Variants in TRIM50 observed in about 807,000 individuals in gnomAD.
The protein encoded by TRIM50 is tripartite motif containing 50, also known as E3 ubiquitin-protein ligase TRIM50.
A neutral mutation model predicts 44.9 loss-of-function variants in TRIM50; 34 were observed. The ratio of observed to expected loss-of-function variants is 0.76; its 90% CI spans 0.58 to 1.01. The LOEUF (loss-of-function observed/expected upper bound fraction) is 1.01. Among genes scored for constraint, TRIM50 ranks in the 50% least tolerant of loss-of-function variants. The pLI is 0.00. For synonymous variants in TRIM50, 307 were observed against 291.1 expected (o/e 1.05, Z -0.56); for missense variants, 633 against 663.7 (o/e 0.95, Z 0.51).
At chr7:73,323,189 G>T (rs1223931111) in intron 2 of TRIM50, among the ~76,000 whole-genome samples, 3 of 152,096 alleles carry the variant, frequency 2.0e-5, no homozygotes, top group African/African-American at 7.2e-5. Flanking sequence ...TTCATCACTG[G>T]CTTAAAACCC....
intron 1 of TRIM50, among the ~76,000 whole-genome samples, chr7:73,325,014 A>ATGTGTGTGTGTGTG (rs3040867): frequency 2.1e-3 from 294 of 142,024 alleles, no homozygotes; most frequent in South Asian, 5.2e-3. Flanking sequence ...CCTTGAAGAT[A>ATGTGTGTGTGTGTG]TGTGTGTGTG....
Position 73,313,180 on chromosome 7 carries a change from CG to C in TRIM50, c.1204del (p.Arg402GlyfsTer114). 1.3e-6 allele frequency: 2 copies of C among 1,588,396 alleles called. No homozygotes were observed. The highest frequency in any genetic ancestry group is 1.7e-6 in the Non-Finnish European group (2 of 1,167,726). ...GTGGCCGGCCACGGGCAGGGGTACC[CG>C]GGGGCAGGCAAAGGCTTCGTACACC... ...GRVYEAFACP[R>X]VPLPVAGHPH... On this transcript the variant is annotated frameshift_variant, in exon 7 of 7. Coordinates refer to ENST00000333149, the MANE Select transcript of TRIM50 (RefSeq NM_178125.3). LOFTEE classifies it high-confidence loss of function. The surrounding 1 kb of genome is among the most constrained non-coding windows in gnomAD (Gnocchi z 4.9).
chr7:73,314,551 C>T (rs1804313789), intron 6 of TRIM50: 1 of 321,692 alleles, frequency 3.1e-6, no homozygotes, highest in Non-Finnish European at 6.0e-6. Context: ...TGATGGAGAA[C>T]AAGAACGCTC....
At chr7:73,318,571 A>G in intron 5 of TRIM50, 116 bp downstream of exon 5, 1 of 1,603,234 alleles carries the variant, frequency 6.2e-7, no homozygotes, top group Non-Finnish European at 8.5e-7. Context: ...TTATAGAGCC[A>G]GCTGTGGGCA....
rs1398290357 is a variant in TRIM50, at chr7:73,319,057, G to C, written c.496-5C>G. The C allele has an allele frequency of 6.2e-7, 1 of 1,613,864 alleles. No homozygotes were observed. Among genetic ancestry groups the C allele is most frequent in the African/African-American group, 1.3e-5 (1 of 74,934 alleles). ...GCTGAAGACATCCGACTCATTCTGG[G>C]ACAGGGAGGGCTGGTCACTGCAGAG... On this transcript the variant is annotated splice_polypyrimidine_tract_variant and splice_region_variant and intron_variant, in intron 3 of 6. Coordinates refer to ENST00000333149, the MANE Select transcript of TRIM50 (RefSeq NM_178125.3).
At chr7:73,314,284 G>A (rs373250631) in intron 6 of TRIM50, 2 of 325,194 alleles carry the variant, frequency 6.2e-6, no homozygotes, top group Admixed American at 4.3e-5. Flanking sequence ...GGTCCTGCTC[G>A]GTCAGGGTGC....
intron 6 of TRIM50, chr7:73,314,493 C>T (rs1226589198): frequency 7.8e-6 from 3 of 383,738 alleles, no homozygotes; most frequent in African/African-American, 2.2e-5. Flanking sequence ...GATGTCCCCA[C>T]TAAGAGGCCA....
Position 73,313,555 on chromosome 7 carries a change from A to G in TRIM50, c.875-45T>C. On this transcript the variant is annotated intron_variant, in intron 6 of 6. Transcript: ENST00000333149. The surrounding 1 kb of genome is among the most constrained non-coding windows in gnomAD (Gnocchi z 4.9). ...GGGTCTGTGAGGCCACGTGGAGGGC[A>G]GCAGACCCGGCCCACAGAAGCTGAT... The G allele has an allele frequency of 1.4e-6, 2 of 1,428,828 alleles. No homozygotes were observed. Among genetic ancestry groups the G allele is most frequent in the Non-Finnish European group, 1.8e-6 (2 of 1,086,224 alleles). The allele number at this position is 1,428,828 out of a possible 1,614,324, so 88.5% of individuals were successfully genotyped here. A position where few individuals can be genotyped will look rare whatever the true frequency, so the allele number is the denominator to read the frequency against.
At position 73,322,834 on chromosome 7, in the gene TRIM50, A is replaced by T. The variant is rs550464484; in HGVS notation, c.399+1555T>A. ...ACTTCAGTGACCACCAGGAGGAAGG[A>T]CCCTCCACACCTCTCGCCCTGAGCC... On this transcript the variant is annotated intron_variant, in intron 2 of 6. Transcript: ENST00000333149. Among the ~76,000 whole-genome samples the T allele has an allele frequency of 2.0e-5, 3 of 151,898 alleles. No individual in the cohort carries two copies. In the South Asian group the frequency reaches 6.2e-4, roughly 32 times the overall value.
At position 73,327,909 on chromosome 7, in the gene TRIM50, G is replaced by A. The variant is rs1182746267; in HGVS notation, c.-28C>T. The A allele has an allele frequency of 2.0e-5, 9 of 447,006 alleles. No homozygotes were observed. Among genetic ancestry groups the A allele is most frequent in the Admixed American group, 3.7e-5 (1 of 27,002 alleles). The allele number at this position is 447,006 out of a possible 1,614,324, so 27.7% of individuals were successfully genotyped here. ...CGCTCTCGTTACGTACCCAGCCTCC[G>A]GCCCCTGTAAGTGCCCCATCGTGCT... is the stretch of plus-strand genomic sequence containing the variant. On this transcript the variant is annotated 5_prime_UTR_variant, in exon 1 of 7. Coordinates refer to ENST00000333149, the MANE Select transcript of TRIM50 (RefSeq NM_178125.3).
chr7:73,314,366 G>T lies in TRIM50; in HGVS notation c.875-856C>A, dbSNP rs1554543735. The stretch of plus-strand genomic sequence containing the variant: ...TATTAACCAGTTCACCCAGGCCCTG[G>T]ACCGCCAAACAGCTATTCAGCTGCT... On this transcript the variant is annotated intron_variant, in intron 6 of 6. Coordinates refer to ENST00000333149, the MANE Select transcript of TRIM50 (RefSeq NM_178125.3). 1.5e-5 allele frequency: 6 copies of T among 398,486 alleles called. No homozygotes were observed. In the East Asian group the frequency reaches 2.7e-4, roughly 18 times the overall value. 24.7% of individuals were successfully genotyped at this position (398,486 alleles called of 1,614,324 possible). A position where few individuals can be genotyped will look rare whatever the true frequency, so the allele number is the denominator to read the frequency against.
chr7:73,323,997 A>C (rs1356314717), intron 2 of TRIM50, among the ~76,000 whole-genome samples: 1 of 151,984 alleles, frequency 6.6e-6, no homozygotes, highest in Non-Finnish European at 1.5e-5. Flanking sequence ...CCATGATCAC[A>C]CCACTGCACT....
Position 73,316,598 on chromosome 7 carries a change from C to T in TRIM50, c.841G>A (p.Val281Met), listed in dbSNP as rs781802145. ...GLHQADIKLTVWKRLFRKVLP... is the reference protein window; with the variant it reads ...GLHQADIKLTMWKRLFRKVLP... ...ACTTTCCGGAAGAGCCTTTTCCACA[C>T]GGTCAGCTTGATGTCAGCCTGGTGG... The change falls in exon 6 of 7, where the codon GTG (valine) becomes ATG (methionine). Residue 281 changes from valine to methionine, a missense_variant. By Grantham distance (21) the Val-to-Met change is conservative. Coordinates refer to ENST00000333149, the MANE Select transcript of TRIM50 (RefSeq NM_178125.3). 9.9e-6 allele frequency: 16 copies of T among 1,614,232 alleles called. No homozygotes were observed. Among genetic ancestry groups the T allele is most frequent in the African/African-American group, 5.3e-5 (4 of 75,082 alleles).
chr7:73,319,268 A>C (rs1391006017), intron 3 of TRIM50, among the ~76,000 whole-genome samples: 2 of 151,890 alleles, frequency 1.3e-5, no homozygotes, highest in Admixed American at 6.5e-5. Flanking sequence ...TCCCGTTTCA[A>C]ATGGAGAGGC....
chr7:73,320,740 A>T (rs1322535620), intron 2 of TRIM50, among the ~76,000 whole-genome samples: 3 of 151,890 alleles, frequency 2.0e-5, no homozygotes, highest in Non-Finnish European at 4.4e-5. Context: ...ATTCAAGAAT[A>T]TTCTAGGCTG....
intron 6 of TRIM50, among the ~76,000 whole-genome samples, chr7:73,316,337 G>A (rs1339336543): frequency 7.9e-5 from 12 of 152,188 alleles, no homozygotes; most frequent in Admixed American, 7.2e-4. Context: ...CTTTACAGAT[G>A]AGGAACCTGG....
At position 73,328,066 on chromosome 7, in the gene TRIM50, G is replaced by T. The variant is rs1297819573; in HGVS notation, c.-185C>A. The T allele has an allele frequency of 2.4e-6, 2 of 850,134 alleles. No individual in the cohort carries two copies. The highest frequency in any genetic ancestry group is 3.7e-6 in the Non-Finnish European group (2 of 539,560). The allele number at this position is 850,134 out of a possible 1,614,324, so 52.7% of individuals were successfully genotyped here. A position where few individuals can be genotyped will look rare whatever the true frequency, so the allele number is the denominator to read the frequency against. On this transcript the variant is annotated 5_prime_UTR_variant, in exon 1 of 7. Transcript: ENST00000333149. ...CATGCCCCGCCTCGCGCTACCGCGC[G>T]TGCCCCATCATGCTCTGCGCGCTCC...
rs1275911321 is a variant in TRIM50, at chr7:73,312,862, C to T, written c.*59G>A. The T allele has an allele frequency of 2.3e-5, 32 of 1,369,882 alleles. No individual in the cohort carries two copies. The highest frequency in any genetic ancestry group is 5.8e-5 in the African/African-American group (4 of 68,514). The allele number at this position is 1,369,882 out of a possible 1,614,324, so 84.9% of individuals were successfully genotyped here. On this transcript the variant is annotated 3_prime_UTR_variant, in exon 7 of 7. Coordinates refer to ENST00000333149, the MANE Select transcript of TRIM50 (RefSeq NM_178125.3). ...CCTCAGGCGGGACCCAGCAGAAGCCCGCGAGTCCCCGGTGCCCCGCCGGGA... is the reference window on the plus strand; with the variant it reads ...CCTCAGGCGGGACCCAGCAGAAGCCTGCGAGTCCCCGGTGCCCCGCCGGGA...
intron 6 of TRIM50, 98 bp downstream of exon 6, chr7:73,316,467 T>G: frequency 6.6e-7 from 1 of 1,509,164 alleles, no homozygotes; most frequent in Non-Finnish European, 8.9e-7. Flanking sequence ...AACCTCCATC[T>G]GAGTTCTCTG....
Sources: allele counts gnomAD v4.1 joint callset (sites outside exome capture counted in the v4.1 genomes callset), GRCh38; gene constraint gnomAD v4.1.1; non-coding constraint Gnocchi (gnomAD v3.1); transcripts MANE v1.5; gene names NCBI Gene and HGNC (gene_info 2026-07-23, HGNC 2026-07-21).